NEK2: variants seen among roughly 807,000 people sequenced by gnomAD.
NEK2 encodes the protein serine/threonine-protein kinase Nek2.
NEK2 carries 28 observed loss-of-function variants against 54.1 expected under a neutral mutation model. The observed-to-expected ratio is 0.52, with a 90% CI of 0.38 to 0.71. The LOEUF (loss-of-function observed/expected upper bound fraction) is 0.71, where lower values mean the gene tolerates loss of function less well. Ranked by LOEUF, NEK2 falls within the 30% of genes least tolerant of loss-of-function variation. The pLI is 0.00. For synonymous variants in NEK2, 176 were observed against 193.1 expected (o/e 0.91, Z 0.73); for missense variants, 407 against 531.5 (o/e 0.77, Z 2.30).
In NEK2 at chr1:211,663,216, A is replaced by C; in HGVS notation, c.*210T>G. The C allele has an allele frequency of 7.5e-7, 1 of 1,339,386 alleles. No homozygotes were observed. The highest frequency in any genetic ancestry group is 9.6e-7 in the Non-Finnish European group (1 of 1,046,596). 83.0% of individuals were successfully genotyped at this position (1,339,386 alleles called of 1,614,324 possible). A position where few individuals can be genotyped will look rare whatever the true frequency, so the allele number is the denominator to read the frequency against. On this transcript the variant is annotated 3_prime_UTR_variant, in exon 8 of 8. Coordinates refer to ENST00000366999, the MANE Select transcript of NEK2 (RefSeq NM_002497.4). ...ACCAAGAAAGTATTCTTTTTATAAT[A>C]TGTTCTTAAAAGAAGAAAGAAAAAT... is the stretch of plus-strand genomic sequence containing the variant.
At chr1:211,672,626 A>AAC (rs1396935332) in intron 3 of NEK2, among the ~76,000 whole-genome samples, 1 of 151,796 alleles carries the variant, frequency 6.6e-6, no homozygotes, top group Non-Finnish European at 1.5e-5. Context: ...AAAAAAAAAA[A>AAC]AAAACAGAGT....
chr1:211,670,164 A>T (rs1655326365), intron 5 of NEK2, 117 bp downstream of exon 5: 10 of 1,105,250 alleles, frequency 9.0e-6, no homozygotes, highest in Non-Finnish European at 1.3e-5. Flanking sequence ...CAGTAAATTT[A>T]GCTAAGAAAG....
downstream of NEK2, chr1:211,660,803 G>A: frequency 1.4e-6 from 1 of 701,256 alleles, no homozygotes; most frequent in Non-Finnish European, 2.7e-6. Context: ...AGGTAATAGG[G>A]CTGCTCCCAA....
intron 3 of NEK2, among the ~76,000 whole-genome samples, 187 bp downstream of exon 3, chr1:211,673,296 C>G (rs1678206136): frequency 6.6e-6 from 1 of 152,066 alleles, no homozygotes; most frequent in South Asian, 2.1e-4. Context: ...GTAGTCCCAG[C>G]TACTCTACTT....
Position 211,663,369 on chromosome 1 carries a change from G to C in NEK2, c.*57C>G. 1 of 1,553,530 alleles carries C rather than the reference G, an allele frequency of 6.4e-7. No individual in the cohort carries two copies. The highest frequency in any genetic ancestry group is 8.7e-7 in the Non-Finnish European group (1 of 1,145,942). On this transcript the variant is annotated 3_prime_UTR_variant, in exon 8 of 8. Coordinates refer to ENST00000366999, the MANE Select transcript of NEK2 (RefSeq NM_002497.4). ...TCAACACTACAGCATTTGAATATCA[G>C]TCTTTAAAGGTTGGTAATATTACAT...
intron 7 of NEK2, chr1:211,666,814 AT>A (rs1370984164): frequency 6.7e-6 from 6 of 896,102 alleles, no homozygotes; most frequent in Non-Finnish European, 6.9e-6. Flanking sequence ...AAATAAAAAA[AT>A]AAATAATGAT....
chr1:211,662,932 A>G lies in NEK2; in HGVS notation c.*494T>C. ...TGAACTACAGAGCAATGGAATATTT[A>G]TAAGCAAGATGTCATGGTATTAATG... On this transcript the variant is annotated 3_prime_UTR_variant, in exon 8 of 8. Transcript: ENST00000366999. This position sits in a 1 kb window ranked among gnomAD's most constrained non-coding sequence, Gnocchi z 4.2. 1 of 987,686 alleles carries G rather than the reference A, an allele frequency of 1.0e-6. No homozygotes were observed. Among genetic ancestry groups the G allele is most frequent in the Non-Finnish European group, 1.2e-6 (1 of 831,104 alleles). 61.2% of individuals were successfully genotyped at this position (987,686 alleles called of 1,614,324 possible).
chr1:211,671,871 T>C lies in NEK2; in HGVS notation c.556-587A>G, dbSNP rs1468970713. Among the ~76,000 whole-genome samples, 2 of 152,252 alleles carry C rather than the reference T, an allele frequency of 1.3e-5. 1 individual carries two copies. The highest frequency in any genetic ancestry group is 1.3e-4 in the Admixed American group (2 of 15,286). On this transcript the variant is annotated intron_variant, in intron 3 of 7. Transcript: ENST00000366999. ...TTTAAAGTCCAACTGGTGAGTCTGA[T>C]GCCACTTTTTGACAATCAGTGCCTT...
intron 3 of NEK2, among the ~76,000 whole-genome samples, chr1:211,673,050 T>C (rs1655449663): frequency 1.3e-5 from 2 of 151,316 alleles, no homozygotes; most frequent in Non-Finnish European, 2.9e-5. Flanking sequence ...TTTTCAATTC[T>C]TGGCTACTAG....
chr1:211,663,331 T>C lies in NEK2; in HGVS notation c.*95A>G. 6.6e-7 allele frequency: 1 copy of C among 1,507,070 alleles called. No individual in the cohort carries two copies. Among genetic ancestry groups the C allele is most frequent in the Non-Finnish European group, 8.9e-7 (1 of 1,124,192 alleles). 93.4% of individuals were successfully genotyped at this position (1,507,070 alleles called of 1,614,324 possible). A position where few individuals can be genotyped will look rare whatever the true frequency, so the allele number is the denominator to read the frequency against. ...GTACTATACAGAAAGGCATGGCTCA[T>C]GGAACCAAGTATTCAACACTACAGC... On this transcript the variant is annotated 3_prime_UTR_variant, in exon 8 of 8. Coordinates refer to ENST00000366999, the MANE Select transcript of NEK2 (RefSeq NM_002497.4).
At chr1:211,671,414 T>G (rs1209303131) in intron 3 of NEK2, 130 bp from the exon 4 acceptor site, 1 of 623,202 alleles carries the variant, frequency 1.6e-6, no homozygotes, top group Admixed American at 2.9e-5. Context: ...TACTTTATCT[T>G]GAAATTTATA....
intron 6 of NEK2, 65 bp downstream of exon 6, chr1:211,669,048 A>T: frequency 1.5e-6 from 2 of 1,368,120 alleles, no homozygotes; most frequent in South Asian, 1.2e-5. Flanking sequence ...TCAAAGAGAT[A>T]TTCAGACACA....
chr1:211,667,562 C>T lies in NEK2; in HGVS notation c.986-331G>A, dbSNP rs533595758. ...TCTGCTCTTCACTGAAGATAAGCAA[C>T]AGCTAATTTTCAGGGCATGATCTGG... On this transcript the variant is annotated intron_variant, in intron 6 of 7. Transcript: ENST00000366999. 3.3e-5 allele frequency among the ~76,000 whole-genome samples: 5 copies of T among 152,218 alleles called. No individual in the cohort carries two copies. The South Asian group carries it at 8.3e-4, about 25-fold the overall frequency.
chr1:211,664,004 C>A (rs1655096291), intron 7 of NEK2, among the ~76,000 whole-genome samples: 1 of 150,678 alleles, frequency 6.6e-6, no homozygotes, highest in African/African-American at 2.4e-5. Flanking sequence ...AAGTGCCATT[C>A]TATGCAGAAC....
Position 211,669,202 on chromosome 1 carries a change from G to A in NEK2, c.896C>T (p.Ser299Phe). ...QLGEPEKSQD[S>F]SPVLSELKLK... Reference sequence around the variant, plus strand: ...TTTCAGCTCACTCAATACAGGGCTGGAATCCTGCGATTTTTCTGGCTCTCC... The same window carrying A: ...TTTCAGCTCACTCAATACAGGGCTGAAATCCTGCGATTTTTCTGGCTCTCC... The change falls in exon 6 of 8, where the codon TCC becomes TTC. Residue 299 changes from serine (S) to phenylalanine (F), a missense_variant. By Grantham distance (155) the Ser-to-Phe change is radical. Coordinates refer to ENST00000366999, the MANE Select transcript of NEK2 (RefSeq NM_002497.4). The A allele has an allele frequency of 6.2e-7, 1 of 1,613,924 alleles. No individual in the cohort carries two copies. The highest frequency in any genetic ancestry group is 8.5e-7 in the Non-Finnish European group (1 of 1,179,884).
downstream of NEK2, chr1:211,660,048 T>A (rs1654977799): frequency 6.1e-6 from 1 of 164,770 alleles, no homozygotes. Context: ...TTATGAAATT[T>A]CTAAGTTCAA....
rs1655079505 is a variant in NEK2, at chr1:211,663,554, G to C, written c.1210C>G (p.Leu404Val). The change falls in exon 8 of 8, where the codon CTC becomes GTC. Residue 404 changes from leucine to valine, a missense_variant. Transcript: ENST00000366999. The part of the protein sequence containing the change: ...IMRSENSESQ[L>V]TSKSKCKDLK... ...TCCTTGCACTTGGACTTAGATGTGA[G>C]CTGACTCTCAGAATTCTCACTCCTC... 3 of 1,613,804 alleles carry C rather than the reference G, an allele frequency of 1.9e-6. No homozygotes were observed. In the South Asian group the frequency reaches 3.3e-5, roughly 18 times the overall value.
At position 211,673,701 on chromosome 1, in the gene NEK2, C is replaced by G; in HGVS notation, c.337G>C (p.Val113Leu). Residue 113 changes from valine (V) to leucine (L), a missense_variant, in exon 3 of 8, where the codon GTT (valine) becomes CTT (leucine). Physicochemically the swap from Val to Leu is conservative, Grantham distance 32. Transcript: ENST00000366999. ...KERQYLDEEFVLRVMTQLTLA... is the reference protein window; with the variant it reads ...KERQYLDEEFLLRVMTQLTLA... The stretch of plus-strand genomic sequence containing the variant: ...GTCAACTGAGTCATCACTCGAAGAA[C>G]AAACTCTTCATCTAAGTATTGCCTA... 1 of 1,614,170 alleles carries G rather than the reference C, an allele frequency of 6.2e-7. No individual in the cohort carries two copies. Among genetic ancestry groups the G allele is most frequent in the Non-Finnish European group, 8.5e-7 (1 of 1,180,024 alleles).
At chr1:211,668,758 A>T (rs908455338) in intron 6 of NEK2, among the ~76,000 whole-genome samples, 6 of 152,228 alleles carry the variant, frequency 3.9e-5, no homozygotes, top group Non-Finnish European at 7.3e-5. Flanking sequence ...TATGGAAAGC[A>T]GCAATTTTAA....
Sources: gnomAD v4.1 joint callset for allele counts (sites outside exome capture counted in the v4.1 genomes callset) on GRCh38, gnomAD v4.1.1 for gene constraint, Gnocchi (gnomAD v3.1) non-coding constraint, MANE v1.5 for transcripts, NCBI Gene and HGNC (gene_info 2026-07-23, HGNC 2026-07-21) for gene names.